LINGO4: variants seen among roughly 807,000 people sequenced by gnomAD.
LINGO4 encodes leucine rich repeat and Ig domain containing 4.
A neutral mutation model predicts 27.9 loss-of-function variants in LINGO4; 22 were observed. That is an observed-to-expected ratio of 0.79 (90% CI 0.56 to 1.13). The LOEUF is 1.13. Ranked by LOEUF, LINGO4 falls within the 50% of genes most tolerant of loss-of-function variation. The pLI is 0.00. For synonymous variants in LINGO4, 306 were observed against 325.8 expected, an observed-to-expected ratio of 0.94 and a Z score of 0.65; for missense variants, 706 against 739.4, an observed-to-expected ratio of 0.95 and a Z score of 0.52.
At position 151,800,779 on chromosome 1, in the gene LINGO4, C is replaced by G. The variant is rs1360011990; in HGVS notation, c.*144G>C. Reference sequence around the variant, plus strand: ...ACCGGAAAAGCTCAGGAAGCAGACTCTCCGGCAGGAGGCACAACGCAGGCG... The same window carrying G: ...ACCGGAAAAGCTCAGGAAGCAGACTGTCCGGCAGGAGGCACAACGCAGGCG... On this transcript the variant is annotated 3_prime_UTR_variant, in exon 2 of 2. Coordinates refer to ENST00000368820, the MANE Select transcript of LINGO4 (RefSeq NM_001004432.4). 1 of 713,132 alleles carries G rather than the reference C, an allele frequency of 1.4e-6. No homozygotes were observed. The highest frequency in any genetic ancestry group is 2.3e-6 in the Non-Finnish European group (1 of 429,872). The allele number at this position is 713,132 out of a possible 1,614,324, so 44.2% of individuals were successfully genotyped here.
rs959503922 is a variant in LINGO4 at position 151,801,178 on chromosome 1, G to T, written c.1527C>A (p.Gly509=). Residue 509 remains glycine (G), a synonymous_variant, in exon 2 of 2, where the codon GGC becomes GGA. Coordinates refer to ENST00000368820, the MANE Select transcript of LINGO4 (RefSeq NM_001004432.4). The surrounding 1 kb of genome is among the most constrained non-coding windows in gnomAD (Gnocchi z 5.7). ...LEVIQVEPPN[G]TLSDPNITVP... Reference sequence around the variant, plus strand: ...CGGTGATGTTGGGGTCAGAAAGTGTGCCGTTTGGTGGTTCCACCTGGATGA... The same window carrying T: ...CGGTGATGTTGGGGTCAGAAAGTGTTCCGTTTGGTGGTTCCACCTGGATGA... The T allele has an allele frequency of 6.2e-7, 1 of 1,614,248 alleles. No individual in the cohort carries two copies. Among genetic ancestry groups the T allele is most frequent in the Non-Finnish European group, 8.5e-7 (1 of 1,180,040 alleles).
At position 151,805,388 on chromosome 1, in the gene LINGO4, C is replaced by T; in HGVS notation, c.-172G>A. The stretch of plus-strand genomic sequence containing the variant: ...CTGCTGCCTGCCGCTGCTGCTGCTG[C>T]TGTTGCTGCTGCGGCCGCTGCTGCC... On this transcript the variant is annotated 5_prime_UTR_variant, in exon 1 of 2. Coordinates refer to ENST00000368820, the MANE Select transcript of LINGO4 (RefSeq NM_001004432.4). 2 of 194,904 alleles carry T rather than the reference C, an allele frequency of 1.0e-5. No homozygotes were observed. Among genetic ancestry groups the T allele is most frequent in the Admixed American group, 5.7e-5 (1 of 17,456 alleles). 12.1% of individuals were successfully genotyped at this position (194,904 alleles called of 1,614,324 possible).
In LINGO4 at chr1:151,801,331, A is replaced by C. The variant is rs1651137192; in HGVS notation, c.1374T>G (p.Ala458=). 6.2e-7 allele frequency: 1 copy of C among 1,612,570 alleles called. No individual in the cohort carries two copies. The highest frequency in any genetic ancestry group is 1.3e-5 in the African/African-American group (1 of 74,908). ...CATCCTCTAGGACCCTTACTCTCCC[A>C]GCCCTGCCCAGCCAAGCCCCATGAG... is the stretch of plus-strand genomic sequence containing the variant. ...MRPHGAWLGR[A]GRVRVLEDGT... Residue 458 remains alanine (A), a synonymous_variant, in exon 2 of 2, where the codon GCT becomes GCG. Coordinates refer to ENST00000368820, the MANE Select transcript of LINGO4 (RefSeq NM_001004432.4). The surrounding 1 kb of genome is among the most constrained non-coding windows in gnomAD (Gnocchi z 5.7).
At position 151,802,745 on chromosome 1, in the gene LINGO4, T is replaced by G. The variant is rs1445020087; in HGVS notation, c.-13-28A>C. 3 of 1,426,402 alleles carry G rather than the reference T, an allele frequency of 2.1e-6. No individual in the cohort carries two copies. In the East Asian group the frequency reaches 7.4e-5, roughly 35 times the overall value. 88.4% of individuals were successfully genotyped at this position (1,426,402 alleles called of 1,614,324 possible). ...GGAATAGATGATGACATGGCCCTTT[T>G]TGGAAAGTGGCTTCAGATGACGGTG... On this transcript the variant is annotated intron_variant, in intron 1 of 1. Coordinates refer to ENST00000368820, the MANE Select transcript of LINGO4 (RefSeq NM_001004432.4).
rs140338011 is a variant in LINGO4, at chr1:151,802,286, C to A, written c.419G>T (p.Arg140Leu). ...TAGGAAGAGAACAATCTGGTTGAGG[C>A]GGAGGTCCAGCAGGGTCAGAGCAGA... Reference protein sequence around the residue: ...GLSALTLLDLRLNQIVLFLDG... With the variant: ...GLSALTLLDLLLNQIVLFLDG... Residue 140 changes from arginine (R) to leucine (L), a missense_variant, in exon 2 of 2, where the codon CGC (arginine) becomes CTC (leucine). Physicochemically the swap from Arg to Leu is moderately radical, Grantham distance 102. Coordinates refer to ENST00000368820, the MANE Select transcript of LINGO4 (RefSeq NM_001004432.4). The A allele has an allele frequency of 1.3e-5, 21 of 1,614,202 alleles. No individual in the cohort carries two copies. Among genetic ancestry groups the A allele is most frequent in the Non-Finnish European group, 1.7e-5 (20 of 1,180,038 alleles).
rs11808890 is a variant in LINGO4, at chr1:151,801,806, A to G, written c.899T>C (p.Val300Ala). ...AIPARRLSPL[V>A]RLQELRLSGA... ...TGACAGGCGTAGCTCCTGGAGCCGC[A>G]CCAGGGGGCTGAGCCTTCGGGCTGG... Residue 300 changes from valine (V) to alanine (A), a missense_variant, in exon 2 of 2, where the codon GTG becomes GCG. Physicochemically the swap from Val to Ala is moderately conservative, Grantham distance 64 (BLOSUM62 0). Transcript: ENST00000368820. The surrounding 1 kb of genome is among the most constrained non-coding windows in gnomAD (Gnocchi z 5.7). The G allele has an allele frequency of 8.7e-6, 14 of 1,614,084 alleles. No homozygotes were observed. Among genetic ancestry groups the G allele is most frequent in the Middle Eastern group, 3.3e-4 (2 of 6,084 alleles).
Position 151,801,569 on chromosome 1 carries a change from C to G in LINGO4, c.1136G>C (p.Gly379Ala). 1 of 1,613,708 alleles carries G rather than the reference C, an allele frequency of 6.2e-7. No individual in the cohort carries two copies. Among genetic ancestry groups the G allele is most frequent in the Non-Finnish European group, 8.5e-7 (1 of 1,180,008 alleles). ...LLRLRRHLDF[G>A]MSPPACAGPH... ...GCCAGCACAGGCAGGGGGGGACATG[C>G]CAAAGTCCAGGTGGCGGCGGAGCCG... Residue 379 changes from glycine (G) to alanine (A), a missense_variant, in exon 2 of 2, where the codon GGC (glycine) becomes GCC (alanine). Gly to Ala is a moderately conservative substitution (Grantham distance 60). Coordinates refer to ENST00000368820, the MANE Select transcript of LINGO4 (RefSeq NM_001004432.4). This position sits in a 1 kb window ranked among gnomAD's most constrained non-coding sequence, Gnocchi z 5.7.
At position 151,802,454 on chromosome 1, in the gene LINGO4, C is replaced by T; in HGVS notation, c.251G>A (p.Ser84Asn). The T allele has an allele frequency of 6.2e-7, 1 of 1,614,184 alleles. No individual in the cohort carries two copies. Among genetic ancestry groups the T allele is most frequent in the East Asian group, 2.2e-5 (1 of 44,870 alleles). ...GCTGAGGTCCAATTCCTGGAGCAGG[C>T]TCAGGCGGGAGAGCATTCCCTGCTG... ...GLQQGMLSRL[S>N]LLQELDLSYN... Residue 84 changes from serine to asparagine, a missense_variant, in exon 2 of 2, where the codon AGC becomes AAC. Physicochemically the swap from Ser to Asn is conservative, Grantham distance 46 (BLOSUM62 1). Coordinates refer to ENST00000368820, the MANE Select transcript of LINGO4 (RefSeq NM_001004432.4).
At position 151,802,282 on chromosome 1, in the gene LINGO4, G is replaced by C. The variant is rs769440506; in HGVS notation, c.423C>G (p.Leu141=). The change falls in exon 2 of 2, where the codon CTC becomes CTG. Residue 141 remains leucine (L), a synonymous_variant. Transcript: ENST00000368820. The part of the protein sequence containing the change: ...LSALTLLDLR[L]NQIVLFLDGA... ...CATCTAGGAAGAGAACAATCTGGTT[G>C]AGGCGGAGGTCCAGCAGGGTCAGAG... The C allele has an allele frequency of 1.9e-6, 3 of 1,614,222 alleles. No individual in the cohort carries two copies. Among genetic ancestry groups the C allele is most frequent in the Non-Finnish European group, 2.5e-6 (3 of 1,180,044 alleles).
chr1:151,802,510 C>T lies in LINGO4; in HGVS notation c.195G>A (p.Leu65=). ...CCCACAGGCGGTTCCCACTCAGGTCCAGGAGCTCAGTGTCCAGTGGGAGTC... is the reference window on the plus strand; with the variant it reads ...CCCACAGGCGGTTCCCACTCAGGTCTAGGAGCTCAGTGTCCAGTGGGAGTC... ...PGGLPLDTEL[L]DLSGNRLWGL... Residue 65 remains leucine, a synonymous_variant, in exon 2 of 2, where the codon CTG becomes CTA. Coordinates refer to ENST00000368820, the MANE Select transcript of LINGO4 (RefSeq NM_001004432.4). 1 of 1,611,194 alleles carries T rather than the reference C, an allele frequency of 6.2e-7. No individual in the cohort carries two copies. Among genetic ancestry groups the T allele is most frequent in the Non-Finnish European group, 8.5e-7 (1 of 1,178,532 alleles).
rs1429192461 is a variant in LINGO4 at position 151,801,988 on chromosome 1, T to C, written c.717A>G (p.Pro239=). The C allele has an allele frequency of 1.2e-6, 2 of 1,614,026 alleles. No individual in the cohort carries two copies. The highest frequency in any genetic ancestry group is 2.2e-5 in the East Asian group (1 of 44,888). Reference sequence around the variant, plus strand: ...TCCCAGGGTCCAGAGCCTCCAGAGATGGCCAGAGGTGGATCTCCAGCTCCT... The same window carrying C: ...TCCCAGGGTCCAGAGCCTCCAGAGACGGCCAGAGGTGGATCTCCAGCTCCT... ...QLKELEIHLW[P]SLEALDPGSL... is the part of the protein sequence containing the mutation. The change falls in exon 2 of 2, where the codon CCA becomes CCG. Residue 239 remains proline (P), a synonymous_variant. Transcript: ENST00000368820. The surrounding 1 kb of genome is among the most constrained non-coding windows in gnomAD (Gnocchi z 5.7).
At chr1:151,802,753 T>C (rs1042664140) in intron 1 of LINGO4, 36 bp from the exon 2 acceptor site, 2 of 1,396,180 alleles carry the variant, frequency 1.4e-6, no homozygotes, top group Non-Finnish European at 1.9e-6. Flanking sequence ...TTTTGGAAAG[T>C]GGCTTCAGAT....
chr1:151,801,221 A>G lies in LINGO4; in HGVS notation c.1484T>C (p.Leu495Pro), dbSNP rs761299522. ...CTGGATGACTTCCAGCCAGGTCCTC[A>G]GGGAGTCATTCCCAGCGACATTGCT... Reference protein sequence around the residue: ...VVSNVAGNDSLRTWLEVIQVE... With the variant: ...VVSNVAGNDSPRTWLEVIQVE... The change falls in exon 2 of 2, where the codon CTG (leucine) becomes CCG (proline). Residue 495 changes from leucine to proline, a missense_variant. Coordinates refer to ENST00000368820, the MANE Select transcript of LINGO4 (RefSeq NM_001004432.4). This position sits in a 1 kb window ranked among gnomAD's most constrained non-coding sequence, Gnocchi z 5.7. 6.2e-7 allele frequency: 1 copy of G among 1,614,152 alleles called. No individual in the cohort carries two copies. The highest frequency in any genetic ancestry group is 8.5e-7 in the Non-Finnish European group (1 of 1,180,020).
rs1651151433 is a variant in LINGO4, at chr1:151,801,640, C to T, written c.1065G>A (p.Leu355=). The change falls in exon 2 of 2, where the codon CTG becomes CTA. Residue 355 remains leucine, a synonymous_variant. Coordinates refer to ENST00000368820, the MANE Select transcript of LINGO4 (RefSeq NM_001004432.4). The surrounding 1 kb of genome is among the most constrained non-coding windows in gnomAD (Gnocchi z 5.7). ...PSPDKLVTLR[L]SGNPLTCDCR... is the part of the protein sequence containing the mutation. ...AGTCACAGGTTAGGGGGTTGCCAGACAGCCTCAAGGTGACCAGTTTGTCTG... is the reference window on the plus strand; with the variant it reads ...AGTCACAGGTTAGGGGGTTGCCAGATAGCCTCAAGGTGACCAGTTTGTCTG... 5.6e-6 allele frequency: 9 copies of T among 1,614,096 alleles called. No individual in the cohort carries two copies. In the East Asian group the frequency reaches 2.0e-4, roughly 36 times the overall value.
chr1:151,800,713 C>T lies in LINGO4; in HGVS notation c.*210G>A. 1 of 555,816 alleles carries T rather than the reference C, an allele frequency of 1.8e-6. No homozygotes were observed. The highest frequency in any genetic ancestry group is 2.9e-5 in the East Asian group (1 of 34,072). 34.4% of individuals were successfully genotyped at this position (555,816 alleles called of 1,614,324 possible). On this transcript the variant is annotated 3_prime_UTR_variant, in exon 2 of 2. Transcript: ENST00000368820. ...AACGACGGGGTCTGCATCTGCAGCT[C>T]CCTGGGACCCTCAGAGAAGAAATGA...
In LINGO4 at chr1:151,800,907, A is replaced by G. The variant is rs1247556054; in HGVS notation, c.*16T>C. The G allele has an allele frequency of 6.3e-7, 1 of 1,582,978 alleles. No homozygotes were observed. The highest frequency in any genetic ancestry group is 1.4e-5 in the African/African-American group (1 of 74,020). ...CTGAAGCGGACTTGGTGGGTTCCCCACTGGGGAAGGAAAGGTCAGAAGAGC... is the reference window on the plus strand; with the variant it reads ...CTGAAGCGGACTTGGTGGGTTCCCCGCTGGGGAAGGAAAGGTCAGAAGAGC... On this transcript the variant is annotated 3_prime_UTR_variant, in exon 2 of 2. Transcript: ENST00000368820.
rs1651116781 is a variant in LINGO4, at chr1:151,800,597, G to A, written c.*326C>T. On this transcript the variant is annotated 3_prime_UTR_variant, in exon 2 of 2. Coordinates refer to ENST00000368820, the MANE Select transcript of LINGO4 (RefSeq NM_001004432.4). ...TGGTTATTAAAGGATATAAGCATGT[G>A]TGAAGAAAGCCTAGTGGTTAGACTA... 1 of 293,964 alleles carries A rather than the reference G, an allele frequency of 3.4e-6. No individual in the cohort carries two copies. Among genetic ancestry groups the A allele is most frequent in the Admixed American group, 4.7e-5 (1 of 21,378 alleles). The allele number at this position is 293,964 out of a possible 1,614,324, so 18.2% of individuals were successfully genotyped here. A position where few individuals can be genotyped will look rare whatever the true frequency, so the allele number is the denominator to read the frequency against.
rs527989146 is a variant in LINGO4, at chr1:151,801,879, T to G, written c.826A>C (p.Ser276Arg). The G allele has an allele frequency of 1.2e-6, 2 of 1,614,134 alleles. No individual in the cohort carries two copies. Among genetic ancestry groups the G allele is most frequent in the South Asian group, 2.2e-5 (2 of 91,074 alleles). Reference sequence around the variant, plus strand: ...GACAGATCCAGGACCCTGAGGAAGCTGAGGTGGTACAGTGCTTGGAAGGGC... The same window carrying G: ...GACAGATCCAGGACCCTGAGGAAGCGGAGGTGGTACAGTGCTTGGAAGGGC... ...SVPFQALYHL[S>R]FLRVLDLSQN... The change falls in exon 2 of 2, where the codon AGC becomes CGC. Residue 276 changes from serine (S) to arginine (R), a missense_variant. Ser to Arg is a moderately radical substitution (Grantham distance 110). Coordinates refer to ENST00000368820, the MANE Select transcript of LINGO4 (RefSeq NM_001004432.4). This position sits in a 1 kb window ranked among gnomAD's most constrained non-coding sequence, Gnocchi z 5.7.
At chr1:151,804,225 G>A (rs903897339) in intron 1 of LINGO4, among the ~76,000 whole-genome samples, 1 of 152,128 alleles carries the variant, frequency 6.6e-6, no homozygotes, top group African/African-American at 2.4e-5. Flanking sequence ...GATCATTCTA[G>A]TGGCTATCCT....
Sources: gnomAD v4.1 joint callset for allele counts (sites outside exome capture counted in the v4.1 genomes callset) on GRCh38, gnomAD v4.1.1 for gene constraint, Gnocchi (gnomAD v3.1) non-coding constraint, MANE v1.5 for transcripts, NCBI Gene and HGNC (gene_info 2026-07-23, HGNC 2026-07-21) for gene names.